VAV3: variants seen among roughly 807,000 people sequenced by gnomAD.
The protein encoded by VAV3 is guanine nucleotide exchange factor VAV3.
VAV3 carries 94 observed loss-of-function variants against 131.2 expected under a neutral mutation model. That is an observed-to-expected ratio of 0.72 (90% confidence interval 0.61 to 0.85). The LOEUF is 0.85. Among genes scored for constraint, VAV3 ranks in the 40% least tolerant of loss-of-function variants. VAV3 has a pLI of 0.00. For missense variants in VAV3, 939 were observed against 1,002.7 expected, an observed-to-expected ratio of 0.94 and a Z score of 0.86; for synonymous variants, 349 against 342.0, an observed-to-expected ratio of 1.02 and a Z score of -0.22.
intron 2 of VAV3, among the ~76,000 whole-genome samples, chr1:107,804,813 ACT>A (rs1046470991): frequency 1.3e-5 from 2 of 151,698 alleles, no homozygotes; most frequent in South Asian, 2.1e-4. Flanking sequence ...AGAATGAAAA[ACT>A]CTCTTTAGCA....
intron 20 of VAV3, among the ~76,000 whole-genome samples, chr1:107,625,663 A>G (rs1200420663): frequency 6.6e-6 from 1 of 152,226 alleles, no homozygotes; most frequent in Non-Finnish European, 1.5e-5. Context: ...TATTTTCCGA[A>G]GCACATAAAG....
chr1:107,866,106 A>G (rs1669974316), intron 2 of VAV3, among the ~76,000 whole-genome samples: 1 of 152,140 alleles, frequency 6.6e-6, no homozygotes, highest in Non-Finnish European at 1.5e-5. Flanking sequence ...GCCAGCTTCT[A>G]AAGTCCTAGG....
chr1:107,780,582 C>T (rs930466056), intron 2 of VAV3, among the ~76,000 whole-genome samples: 13 of 152,258 alleles, frequency 8.5e-5, no homozygotes, highest in East Asian at 3.9e-4. Context: ...GTGGTGCGAT[C>T]TTGGCTCACT....
intron 1 of VAV3, among the ~76,000 whole-genome samples, chr1:107,905,038 C>A (rs1008626722): frequency 1.3e-5 from 2 of 152,162 alleles, no homozygotes; most frequent in African/African-American, 4.8e-5. Context: ...AGGAAGAAAT[C>A]TTCCTCGGAT....
intron 1 of VAV3, among the ~76,000 whole-genome samples, chr1:107,930,178 T>C (rs748962733): frequency 2.0e-5 from 3 of 152,206 alleles, no homozygotes; most frequent in East Asian, 3.9e-4. Context: ...TAAAAGAGTA[T>C]AACTGGATTG....
intron 4 of VAV3, among the ~76,000 whole-genome samples, chr1:107,773,307 T>C (rs2102195167): frequency 6.6e-6 from 1 of 152,322 alleles, no homozygotes; most frequent in African/African-American, 2.4e-5. Flanking sequence ...CTCCCACTTT[T>C]CATATTTCAA....
intron 2 of VAV3, among the ~76,000 whole-genome samples, chr1:107,828,148 C>T (rs1668093290): frequency 6.6e-6 from 1 of 152,186 alleles, no homozygotes; most frequent in South Asian, 2.1e-4. Context: ...TTTAGCTCCT[C>T]TCTGGAACAT....
At chr1:107,820,474 G>C (rs1055644045) in intron 2 of VAV3, among the ~76,000 whole-genome samples, 4 of 151,884 alleles carry the variant, frequency 2.6e-5, no homozygotes, top group Non-Finnish European at 5.9e-5. Flanking sequence ...AAGGGGAGTG[G>C]GGGGGTAGGG....
chr1:107,707,868 A>G (rs1183635420), intron 15 of VAV3, among the ~76,000 whole-genome samples: 1 of 152,224 alleles, frequency 6.6e-6, no homozygotes, highest in Non-Finnish European at 1.5e-5. Flanking sequence ...AGAAGACGAC[A>G]GAAATGTCAG....
intron 2 of VAV3, among the ~76,000 whole-genome samples, chr1:107,838,761 C>A (rs530879652): frequency 1.3e-5 from 2 of 152,232 alleles, no homozygotes; most frequent in South Asian, 4.1e-4. Flanking sequence ...TACTGTGCAG[C>A]CCTAAAATAA....
At chr1:107,656,976 C>A in intron 19 of VAV3, among the ~76,000 whole-genome samples, 2 of 107,186 alleles carry the variant, frequency 1.9e-5, no homozygotes, top group African/African-American at 3.7e-5. Flanking sequence ...TTTTCCGAGA[C>A]GATGTCTCGC....
intron 20 of VAV3, among the ~76,000 whole-genome samples, chr1:107,621,857 A>G (rs984748955): frequency 1.5e-4 from 23 of 152,238 alleles, no homozygotes; most frequent in African/African-American, 4.8e-4. Context: ...TGCTATCTTT[A>G]TATGCATTTA....
intron 1 of VAV3, among the ~76,000 whole-genome samples, chr1:107,910,355 G>A (rs1672308249): frequency 6.6e-6 from 1 of 152,164 alleles, no homozygotes; most frequent in African/African-American, 2.4e-5. Flanking sequence ...TCCTGAAGAA[G>A]ACAATCACAT....
Position 107,751,127 on chromosome 1 carries a change from T to C in VAV3, c.1249A>G (p.Lys417Glu). The C allele has an allele frequency of 1.9e-6, 3 of 1,610,666 alleles. No homozygotes were observed. The highest frequency in any genetic ancestry group is 2.5e-6 in the Non-Finnish European group (3 of 1,179,272). The change falls in exon 13 of 27, where the codon AAA (lysine) becomes GAA (glutamate). Residue 417 changes from lysine (K) to glutamate (E), a missense_variant. By Grantham distance (56) the Lys-to-Glu change is moderately conservative. Transcript: ENST00000370056. Reference sequence around the variant, plus strand: ...TTCTTCTTTTCTTACCTTTCTTGTTTGGTATGCTTGTCTAGAGTGGTTATT... The same window carrying C: ...TTCTTCTTTTCTTACCTTTCTTGTTCGGTATGCTTGTCTAGAGTGGTTATT... ...IRITTLDKHT[K>E]QERHIFLFDL...
At chr1:107,826,205 A>G (rs575915180) in intron 2 of VAV3, among the ~76,000 whole-genome samples, 3 of 152,204 alleles carry the variant, frequency 2.0e-5, no homozygotes, top group Non-Finnish European at 4.4e-5. Flanking sequence ...CACATTTACT[A>G]TATTGTAAAT....
Position 107,717,755 on chromosome 1 carries a change from G to A in VAV3, c.1503-12694C>T, listed in dbSNP as rs9725912. Among the ~76,000 whole-genome samples the A allele has an allele frequency of 7.5e-3, 1,139 of 152,106 alleles. 10 individuals carry two copies. Among genetic ancestry groups the A allele is most frequent in the African/African-American group, 0.025 (1,018 of 41,516 alleles). Reference sequence around the variant, plus strand: ...GAGTTCTGTAGATGTCTATTAGGTCGGCTTAGTGCATTGCTGAGTTCAAGT... The same window carrying A: ...GAGTTCTGTAGATGTCTATTAGGTCAGCTTAGTGCATTGCTGAGTTCAAGT... On this transcript the variant is annotated intron_variant, in intron 15 of 26. Coordinates refer to ENST00000370056, the MANE Select transcript of VAV3 (RefSeq NM_006113.5).
intron 2 of VAV3, among the ~76,000 whole-genome samples, chr1:107,814,148 C>A (rs1312384055): frequency 6.6e-6 from 1 of 151,926 alleles, no homozygotes; most frequent in Admixed American, 6.6e-5. Context: ...TACTTTTTTT[C>A]TTTCCTTTGA....
chr1:107,910,745 C>A (rs1247317633), intron 1 of VAV3, among the ~76,000 whole-genome samples: 1 of 151,876 alleles, frequency 6.6e-6, no homozygotes, highest in Non-Finnish European at 1.5e-5. Flanking sequence ...TTTGGGAGGC[C>A]AAGGCAGGCA....
chr1:107,828,278 T>C (rs1177703753), intron 2 of VAV3, among the ~76,000 whole-genome samples: 1 of 152,068 alleles, frequency 6.6e-6, no homozygotes, highest in African/African-American at 2.4e-5. Flanking sequence ...CAAGATTCAG[T>C]GATATAAAGG....
Sources: allele counts gnomAD v4.1 joint callset (sites outside exome capture counted in the v4.1 genomes callset), GRCh38; gene constraint gnomAD v4.1.1; transcripts MANE v1.5; gene names NCBI Gene and HGNC (gene_info 2026-07-23, HGNC 2026-07-21).